COL4A1: variants seen among roughly 807,000 people sequenced by gnomAD.
COL4A1 encodes collagen type IV alpha 1 chain.
In COL4A1, 40 loss-of-function variants were observed where a neutral mutation model predicts 216.6. The observed-to-expected ratio is 0.18, with a 90% confidence interval of 0.14 to 0.24. The LOEUF (loss-of-function observed/expected upper bound fraction) is 0.24, where lower values mean the gene tolerates loss of function less well. COL4A1 is among the 10% of genes least tolerant of loss of function. The probability of loss-of-function intolerance (pLI) is 1.00; values close to 1 mark genes in which losing one functional copy is unlikely to be tolerated. For synonymous variants in COL4A1, 839 were observed against 810.7 expected (o/e 1.03, Z -0.59); for missense variants, 1,628 against 2,196.8 (o/e 0.74, Z 5.18).
At chr13:110,202,949 A>G (rs930059649) in intron 18 of COL4A1, among the ~76,000 whole-genome samples, 14 of 152,238 alleles carry the variant, frequency 9.2e-5, no homozygotes, top group Non-Finnish European at 2.1e-4. Flanking sequence ...ACAGTGGCTC[A>G]TGCCTGTAAT....
chr13:110,209,942 TA>T, intron 10 of COL4A1, 37 bp downstream of exon 10: 1 of 1,606,828 alleles, frequency 6.2e-7, no homozygotes, highest in Admixed American at 1.7e-5. Context: ...AGTTGTTTTT[TA>T]AATGATTGCC....
At chr13:110,155,710 A>G (rs1181482913) in intron 49 of COL4A1, among the ~76,000 whole-genome samples, 5 of 152,246 alleles carry the variant, frequency 3.3e-5, no homozygotes, top group African/African-American at 4.8e-5. Flanking sequence ...CAGGAGTTCA[A>G]GTCCAGCCTG....
chr13:110,287,853 A>G (rs1441491366), intron 1 of COL4A1, among the ~76,000 whole-genome samples: 1 of 152,192 alleles, frequency 6.6e-6, no homozygotes, highest in Non-Finnish European at 1.5e-5. Context: ...CTATTTTCAG[A>G]CTCAGAAGAG....
intron 1 of COL4A1, among the ~76,000 whole-genome samples, chr13:110,267,472 C>T (rs1296188847): frequency 6.6e-6 from 1 of 152,088 alleles, no homozygotes; most frequent in Non-Finnish European, 1.5e-5. Context: ...AGCAGAAGGG[C>T]TTGAGGAATC....
chr13:110,257,403 G>A (rs565338585), intron 1 of COL4A1, among the ~76,000 whole-genome samples: 1 of 152,302 alleles, frequency 6.6e-6, no homozygotes, highest in Non-Finnish European at 1.5e-5. Flanking sequence ...GAATATGGAA[G>A]ATAACGGCTG....
intron 2 of COL4A1, among the ~76,000 whole-genome samples, chr13:110,227,403 C>T (rs1880784650): frequency 1.4e-5 from 2 of 144,068 alleles, no homozygotes; most frequent in South Asian, 4.6e-4. Context: ...CACACACACA[C>T]ACACACACAC....
intron 43 of COL4A1, among the ~76,000 whole-genome samples, chr13:110,168,490 A>T (rs1024863673): frequency 1.4e-4 from 22 of 152,248 alleles, no homozygotes; most frequent in African/African-American, 5.3e-4. Flanking sequence ...GAGGACAAGG[A>T]ATGGGTAAAC....
intron 1 of COL4A1, among the ~76,000 whole-genome samples, chr13:110,304,408 A>G (rs1884606572): frequency 6.6e-6 from 1 of 152,230 alleles, no homozygotes; most frequent in Non-Finnish European, 1.5e-5. Context: ...CTGAGGGGAA[A>G]GTTCACGTTT....
chr13:110,191,748 C>G, intron 24 of COL4A1: 1 of 623,796 alleles, frequency 1.6e-6, no homozygotes, highest in Non-Finnish European at 2.8e-6. Flanking sequence ...TTTCCTTGAT[C>G]TTTTCATAGA....
At chr13:110,167,759 G>A (rs1004449916) in intron 43 of COL4A1, among the ~76,000 whole-genome samples, 6 of 152,118 alleles carry the variant, frequency 3.9e-5, no homozygotes, top group South Asian at 2.1e-4. Context: ...GGCAATATTC[G>A]TGTATTTTAA....
intron 2 of COL4A1, among the ~76,000 whole-genome samples, chr13:110,230,621 G>C (rs1199668546): frequency 6.6e-6 from 1 of 152,096 alleles, no homozygotes; most frequent in African/African-American, 2.4e-5. Context: ...TGCACCTCCG[G>C]CCCCCACCAC....
intron 1 of COL4A1, among the ~76,000 whole-genome samples, chr13:110,267,603 C>G (rs1013361617): frequency 6.6e-6 from 1 of 152,166 alleles, no homozygotes; most frequent in African/African-American, 2.4e-5. Flanking sequence ...GGGCTGGGCT[C>G]TGTACTCTTC....
chr13:110,176,817 G>A, intron 34 of COL4A1, 68 bp downstream of exon 34: 1 of 1,613,914 alleles, frequency 6.2e-7, no homozygotes. Context: ...TATTTATGGA[G>A]GACCCGATAA....
At position 110,167,200 on chromosome 13, in the gene COL4A1, A is replaced by T; in HGVS notation, c.3907T>A (p.Ser1303Thr). The T allele has an allele frequency of 6.2e-7, 1 of 1,613,950 alleles. No individual in the cohort carries two copies. The highest frequency in any genetic ancestry group is 1.7e-5 in the Admixed American group (1 of 60,014). ...GIGGSPGITGSKGDMGPPGVP... is the reference protein window; with the variant it reads ...GIGGSPGITGTKGDMGPPGVP... ...CCTGGAGGCCCCATATCACCCTTAG[A>T]GCCTGTGATTCCTGGAGAGCCACCA... The change falls in exon 44 of 52, where the codon TCT becomes ACT. Residue 1303 changes from serine to threonine, a missense_variant. By Grantham distance (58) the Ser-to-Thr change is moderately conservative (BLOSUM62 1). Transcript: ENST00000375820.
intron 1 of COL4A1, among the ~76,000 whole-genome samples, chr13:110,301,822 C>T (rs57225762): frequency 0.31 from 47,338 of 152,024 alleles, 7,431 homozygotes; most frequent in South Asian, 0.37. Flanking sequence ...TAGCAAGGAA[C>T]GAGGCCAGAA....
chr13:110,227,722 C>T (rs1286412213), intron 2 of COL4A1, among the ~76,000 whole-genome samples: 1 of 152,178 alleles, frequency 6.6e-6, no homozygotes, highest in East Asian at 1.9e-4. Flanking sequence ...CTACAGGTGC[C>T]CACCCTTGGT....
At chr13:110,167,096 C>T (rs1877379769) in intron 44 of COL4A1, 62 bp downstream of exon 44, 1 of 1,401,692 alleles carries the variant, frequency 7.1e-7, no homozygotes, top group African/African-American at 1.4e-5. Context: ...CCGAGGTTAG[C>T]AAGCTCTTCA....
chr13:110,247,835 G>GTGTGTGTGT (rs765744265), intron 1 of COL4A1, among the ~76,000 whole-genome samples: 131 of 96,514 alleles, frequency 1.4e-3, no homozygotes, highest in Non-Finnish European at 1.8e-3. Context: ...GTGTGTGTGT[G>GTGTGTGTGT]GCAGAGAGAG....
intron 1 of COL4A1, among the ~76,000 whole-genome samples, chr13:110,285,702 G>C (rs764676376): frequency 2.6e-5 from 4 of 152,136 alleles, no homozygotes; most frequent in Non-Finnish European, 4.4e-5. Flanking sequence ...GAAGGAGGTT[G>C]TATTAGCGCT....
Sources: gnomAD v4.1 joint callset for allele counts (sites outside exome capture counted in the v4.1 genomes callset) on GRCh38, gnomAD v4.1.1 for gene constraint, MANE v1.5 for transcripts, NCBI Gene and HGNC (gene_info 2026-07-23, HGNC 2026-07-21) for gene names.